The following TMEM120B variants were observed in gnomAD, a reference collection of about 807,000 sequenced individuals.
TMEM120B encodes the protein transmembrane protein 120B.
A neutral mutation model predicts 55.5 loss-of-function variants in TMEM120B; 31 were observed. The ratio of observed to expected loss-of-function variants is 0.56; its 90% CI spans 0.42 to 0.75. The LOEUF (loss-of-function observed/expected upper bound fraction) is 0.75, where lower values mean the gene tolerates loss of function less well. Ranked by LOEUF, TMEM120B falls within the 30% of genes least tolerant of loss-of-function variation. The pLI is 0.00. For synonymous variants in TMEM120B, 203 were observed against 176.3 expected, an observed-to-expected ratio of 1.15 and a Z score of -1.20; for missense variants, 399 against 425.5, an observed-to-expected ratio of 0.94 and a Z score of 0.55.
At chr12:121,773,767 T>TACACACACACACACACACAC (rs139459284) in intron 9 of TMEM120B, among the ~76,000 whole-genome samples, 191 of 151,376 alleles carry the variant, frequency 1.3e-3, no homozygotes, top group African/African-American at 4.0e-3. Flanking sequence ...TGTTCTAGAA[T>TACACACACACACACACACAC]ACACACACAC....
At position 121,781,034 on chromosome 12, in the gene TMEM120B, G is replaced by A; in HGVS notation, c.*5312G>A. The A allele has an allele frequency of 1.2e-6, 2 of 1,613,538 alleles. No individual in the cohort carries two copies. Among genetic ancestry groups the A allele is most frequent in the Non-Finnish European group, 1.7e-6 (2 of 1,179,562 alleles). On this transcript the variant is annotated 3_prime_UTR_variant, in exon 12 of 12. Transcript: ENST00000449592. ...GTGGAGGGAGGAGGCGGGATCAGGG[G>A]TGCGGCCGGGCCCAGATGTGGGGCC...
intron 1 of TMEM120B, among the ~76,000 whole-genome samples, chr12:121,742,731 G>A (rs1035514710): frequency 3.3e-5 from 5 of 152,004 alleles, no homozygotes; most frequent in South Asian, 2.1e-4. Context: ...GATTACAGAC[G>A]CCCGCCTGGC....
chr12:121,732,475 C>T (rs1441014194), intron 1 of TMEM120B, among the ~76,000 whole-genome samples: 4 of 152,062 alleles, frequency 2.6e-5, no homozygotes, highest in Non-Finnish European at 5.9e-5. Flanking sequence ...GGAATGACCT[C>T]GTGTATCAGG....
chr12:121,781,426 A>AT lies in TMEM120B; in HGVS notation c.*5705dup. 1 of 490,862 alleles carries AT rather than the reference A, an allele frequency of 2.0e-6. No individual in the cohort carries two copies. Among genetic ancestry groups the AT allele is most frequent in the Non-Finnish European group, 3.7e-6 (1 of 268,686 alleles). 30.4% of individuals were successfully genotyped at this position (490,862 alleles called of 1,614,324 possible). On this transcript the variant is annotated 3_prime_UTR_variant, in exon 12 of 12. Transcript: ENST00000449592. ...GTCAAGGCTACAGTGAGCCGTGATC[A>AT]TGCCACTGCACTCCAGCCTGGGTGA...
At position 121,752,210 on chromosome 12, in the gene TMEM120B, G is replaced by T; in HGVS notation, c.448G>T (p.Val150Phe). ...LLLGAVACRF[V>F]LHYRVTDEVF... ...CCTGGGTGCCGTGGCATGTCGATTT[G>T]TCCTTCACTACAGGTAGTGGGTGTG... Residue 150 changes from valine (V) to phenylalanine (F), a missense_variant, in exon 5 of 12, where the codon GTC becomes TTC. Val to Phe is a conservative substitution (Grantham distance 50). This residue lies in a region of TMEM120B where 260 missense variants were observed against 303.9 expected (regional missense o/e 0.86). Coordinates refer to ENST00000449592, the MANE Select transcript of TMEM120B (RefSeq NM_001080825.2). The T allele has an allele frequency of 6.2e-7, 1 of 1,613,774 alleles. No homozygotes were observed. The highest frequency in any genetic ancestry group is 8.5e-7 in the Non-Finnish European group (1 of 1,179,910).
At chr12:121,722,471 T>C (rs1289634459) in intron 1 of TMEM120B, among the ~76,000 whole-genome samples, 3 of 152,202 alleles carry the variant, frequency 2.0e-5, no homozygotes, top group African/African-American at 7.2e-5. Context: ...ATAGTAGTTT[T>C]TATAACACAA....
chr12:121,771,317 A>G (rs1874045424), intron 7 of TMEM120B, among the ~76,000 whole-genome samples, 171 bp from the exon 8 acceptor site: 2 of 152,128 alleles, frequency 1.3e-5, no homozygotes, highest in South Asian at 2.1e-4. Flanking sequence ...GCTTCTAGAA[A>G]GGAAGATGGG....
chr12:121,766,606 A>C (rs1486925933), intron 6 of TMEM120B, among the ~76,000 whole-genome samples: 1 of 152,184 alleles, frequency 6.6e-6, no homozygotes, highest in Non-Finnish European at 1.5e-5. Context: ...TCTGAGAGCC[A>C]GTCACTGTTG....
At position 121,712,938 on chromosome 12, in the gene TMEM120B, C is replaced by G. The variant is rs771160608; in HGVS notation, c.43C>G (p.Leu15Val). The change falls in exon 1 of 12, where the codon CTG becomes GTG. Residue 15 changes from leucine (L) to valine (V), a missense_variant. Coordinates refer to ENST00000449592, the MANE Select transcript of TMEM120B (RefSeq NM_001080825.2). ...LERCEREWHE[L>V]EGEFQELQET... The stretch of plus-strand genomic sequence containing the variant: ...GCGTTGCGAGCGCGAATGGCACGAG[C>G]TGGAGGGAGAATTTCAAGAACTGCA... 8 of 1,540,832 alleles carry G rather than the reference C, an allele frequency of 5.2e-6. No individual in the cohort carries two copies. Among genetic ancestry groups the G allele is most frequent in the South Asian group, 2.5e-5 (2 of 81,560 alleles).
Position 121,776,081 on chromosome 12 carries a change from C to T in TMEM120B, c.*359C>T. 1.8e-6 allele frequency: 1 copy of T among 541,560 alleles called. No individual in the cohort carries two copies. Among genetic ancestry groups the T allele is most frequent in the South Asian group, 2.6e-5 (1 of 37,846 alleles). 33.5% of individuals were successfully genotyped at this position (541,560 alleles called of 1,614,324 possible). ...CCCCTCTGGGTGGGGTTTGGATGTG[C>T]CTCGCGGGGTTGGATTTATGCTGAC... On this transcript the variant is annotated 3_prime_UTR_variant, in exon 12 of 12. Transcript: ENST00000449592.
intron 10 of TMEM120B, 126 bp downstream of exon 10, chr12:121,774,848 G>A (rs972162023): frequency 2.4e-6 from 3 of 1,275,578 alleles, no homozygotes; most frequent in Non-Finnish European, 3.3e-6. Context: ...CTGGGGCCGG[G>A]GCAGCCTCTG....
chr12:121,757,098 A>T (rs1220887269), intron 5 of TMEM120B, among the ~76,000 whole-genome samples: 2 of 151,346 alleles, frequency 1.3e-5, no homozygotes, highest in Non-Finnish European at 2.9e-5. Flanking sequence ...CTTGAACAGG[A>T]AATGAGTGTG....
chr12:121,734,051 G>A (rs528708810), intron 1 of TMEM120B, among the ~76,000 whole-genome samples: 46 of 152,222 alleles, frequency 3.0e-4, no homozygotes, highest in African/African-American at 1.1e-3. Context: ...TCCAGAGGGC[G>A]GCGTGGCCCA....
At chr12:121,725,385 G>A (rs1027120021) in intron 1 of TMEM120B, among the ~76,000 whole-genome samples, 3 of 152,146 alleles carry the variant, frequency 2.0e-5, no homozygotes, top group African/African-American at 7.2e-5. Context: ...CTAATCTACT[G>A]CTGCCAAGGT....
Position 121,771,531 on chromosome 12 carries a change from G to A in TMEM120B, c.661G>A (p.Ala221Thr), listed in dbSNP as rs1476205824. 1 of 1,614,060 alleles carries A rather than the reference G, an allele frequency of 6.2e-7. No homozygotes were observed. The highest frequency in any genetic ancestry group is 1.1e-5 in the South Asian group (1 of 91,080). ...IYQKFRNQFLAFSIFQSCVQF... is the reference protein window; with the variant it reads ...IYQKFRNQFLTFSIFQSCVQF... ...TCAGAAGTTTCGCAACCAGTTCTTA[G>A]CATTTTCCATTTTTCAGAGTGAGTG... The change falls in exon 8 of 12, where the codon GCA becomes ACA. Residue 221 changes from alanine (A) to threonine (T), a missense_variant. Ala to Thr is a moderately conservative substitution (Grantham distance 58). This residue lies in a region of TMEM120B where 260 missense variants were observed against 303.9 expected (regional missense o/e 0.86). Transcript: ENST00000449592.
chr12:121,732,321 GTCC>G (rs1204463865), intron 1 of TMEM120B, among the ~76,000 whole-genome samples: 1 of 152,138 alleles, frequency 6.6e-6, no homozygotes, highest in Non-Finnish European at 1.5e-5. Flanking sequence ...ACTCCATGTT[GTCC>G]TCCTCGTGGC....
In TMEM120B at chr12:121,773,353, C is replaced by T. The variant is rs899102177; in HGVS notation, c.680-68C>T. On this transcript the variant is annotated intron_variant, in intron 8 of 11. Transcript: ENST00000449592. ...AAGACCCATCAGCCTGTGCTTGGGG[C>T]AGAGAGGTGTGGCCCTGTCTTCCGG... 1.7e-5 allele frequency: 24 copies of T among 1,433,328 alleles called. No homozygotes were observed. In the African/African-American group the frequency reaches 1.8e-4, roughly 11 times the overall value. 88.8% of individuals were successfully genotyped at this position (1,433,328 alleles called of 1,614,324 possible). A position where few individuals can be genotyped will look rare whatever the true frequency, so the allele number is the denominator to read the frequency against.
In TMEM120B at chr12:121,770,946, A is replaced by G. The variant is rs770600129; in HGVS notation, c.591A>G (p.Thr197=). The change falls in exon 7 of 12, where the codon ACA becomes ACG. Residue 197 remains threonine (T), a synonymous_variant. Coordinates refer to ENST00000449592, the MANE Select transcript of TMEM120B (RefSeq NM_001080825.2). ...GGGTGTCTCACCACTACGTCTCCACATTCCTGTCCGGAGTGATGCTGACCT... is the reference window on the plus strand; with the variant it reads ...GGGTGTCTCACCACTACGTCTCCACGTTCCTGTCCGGAGTGATGCTGACCT... ...GWWVSHHYVS[T]FLSGVMLTWP... 5 of 1,613,870 alleles carry G rather than the reference A, an allele frequency of 3.1e-6. No homozygotes were observed. The highest frequency in any genetic ancestry group is 4.2e-6 in the Non-Finnish European group (5 of 1,179,974).
chr12:121,772,619 T>C (rs1874103844), intron 8 of TMEM120B, among the ~76,000 whole-genome samples: 1 of 151,566 alleles, frequency 6.6e-6, no homozygotes, highest in Admixed American at 6.6e-5. Context: ...AGATGAGATT[T>C]CACCAGTTGG....
Sources: gnomAD v4.1 joint callset for allele counts (sites outside exome capture counted in the v4.1 genomes callset) on GRCh38, gnomAD v4.1.1 for gene constraint, gnomAD v4.1.1 regional missense constraint, MANE v1.5 for transcripts, NCBI Gene and HGNC (gene_info 2026-07-23, HGNC 2026-07-21) for gene names.